PITPNC1: variants seen among roughly 807,000 people sequenced by gnomAD.
PITPNC1 encodes the protein cytoplasmic phosphatidylinositol transfer protein 1.
Under a neutral mutation model 44.7 loss-of-function variants are expected in PITPNC1, and 18 were observed. The ratio of observed to expected loss-of-function variants is 0.40; its 90% CI spans 0.28 to 0.60. The LOEUF is 0.60. Ranked by LOEUF, PITPNC1 falls within the 20% of genes least tolerant of loss-of-function variation. PITPNC1 has a pLI of 0.39. For synonymous variants in PITPNC1, 141 were observed against 149.6 expected, an observed-to-expected ratio of 0.94 and a Z score of 0.42; for missense variants, 290 against 418.4, an observed-to-expected ratio of 0.69 and a Z score of 2.68.
In PITPNC1 at chr17:67,587,330, A is replaced by T. The variant is rs941292867; in HGVS notation, c.366+9073A>T. Among the ~76,000 whole-genome samples, 4 of 152,080 alleles carry T rather than the reference A, an allele frequency of 2.6e-5. No individual in the cohort carries two copies. The East Asian group carries it at 7.7e-4, about 29-fold the overall frequency. ...GTTGAGACCCCCATCTCTACAAAAA[A>T]AAAAAAAAATTTAATTAGCTGGACA... On this transcript the variant is annotated intron_variant, in intron 5 of 8. Transcript: ENST00000581322.
At chr17:67,617,154 C>T (rs1363109824) in intron 5 of PITPNC1, among the ~76,000 whole-genome samples, 2 of 152,184 alleles carry the variant, frequency 1.3e-5, no homozygotes, top group Non-Finnish European at 2.9e-5. Context: ...GGAAGGCCAG[C>T]TTTTCTGGCT....
intron 8 of PITPNC1, among the ~76,000 whole-genome samples, chr17:67,686,857 T>C (rs761697696): frequency 6.6e-6 from 1 of 152,202 alleles, no homozygotes; most frequent in African/African-American, 2.4e-5. Flanking sequence ...CTCTTCTCTG[T>C]TCTAAGACTA....
intron 6 of PITPNC1, among the ~76,000 whole-genome samples, chr17:67,645,746 C>G (rs1273703420): frequency 6.6e-6 from 1 of 152,180 alleles, no homozygotes; most frequent in African/African-American, 2.4e-5. Flanking sequence ...TTAATTATAA[C>G]ATAAGTTTGT....
At chr17:67,400,084 A>G (rs2038284351) in intron 1 of PITPNC1, among the ~76,000 whole-genome samples, 1 of 152,222 alleles carries the variant, frequency 6.6e-6, no homozygotes, top group East Asian at 1.9e-4. Flanking sequence ...CCTGGTGATC[A>G]TGATGGGCTA....
chr17:67,458,909 C>T (rs954409923), intron 1 of PITPNC1, among the ~76,000 whole-genome samples: 3 of 151,992 alleles, frequency 2.0e-5, no homozygotes, highest in Non-Finnish European at 2.9e-5. Context: ...TAGTTTAGAA[C>T]GGCCTGGATC....
At chr17:67,429,914 C>T (rs1299145164) in intron 1 of PITPNC1, among the ~76,000 whole-genome samples, 2 of 152,080 alleles carry the variant, frequency 1.3e-5, no homozygotes, top group African/African-American at 2.4e-5. Flanking sequence ...GAAAACAGAC[C>T]GCACTTGCTT....
intron 1 of PITPNC1, among the ~76,000 whole-genome samples, chr17:67,444,290 G>C (rs1383681810): frequency 6.6e-6 from 1 of 152,110 alleles, no homozygotes; most frequent in East Asian, 1.9e-4. Flanking sequence ...AATAGGCCGA[G>C]ATCACGGGGA....
At chr17:67,384,705 A>G (rs1275635771) in intron 1 of PITPNC1, among the ~76,000 whole-genome samples, 3 of 152,174 alleles carry the variant, frequency 2.0e-5, no homozygotes, top group Non-Finnish European at 2.9e-5. Flanking sequence ...GATTACAGGC[A>G]TGAGCCACTG....
At chr17:67,667,490 C>CAAAAAAAA (rs71139168) in intron 6 of PITPNC1, among the ~76,000 whole-genome samples, 77 of 107,528 alleles carry the variant, frequency 7.2e-4, no homozygotes, top group Non-Finnish European at 8.3e-4. Flanking sequence ...GATCCTTTCT[C>CAAAAAAAA]AAAAAAAAAA....
chr17:67,618,950 T>C (rs756125931), intron 5 of PITPNC1, among the ~76,000 whole-genome samples: 4 of 151,752 alleles, frequency 2.6e-5, no homozygotes, highest in Non-Finnish European at 5.9e-5. Flanking sequence ...TCCCAGCTAC[T>C]CGGGAGGCTG....
At chr17:67,425,193 G>GCGCGCGCACACACA (rs1160522771) in intron 1 of PITPNC1, among the ~76,000 whole-genome samples, 3 of 52,118 alleles carry the variant, frequency 5.8e-5, no homozygotes, top group African/African-American at 2.0e-4. Context: ...TTGTGCGCGC[G>GCGCGCGCACACACA]CACGCACACG....
chr17:67,412,827 A>C (rs1754714117), intron 1 of PITPNC1, among the ~76,000 whole-genome samples: 1 of 152,192 alleles, frequency 6.6e-6, no homozygotes, highest in Non-Finnish European at 1.5e-5. Context: ...TGGCCTCCCA[A>C]AGTGTTGGGA....
chr17:67,598,881 G>A (rs1033473633), intron 5 of PITPNC1, among the ~76,000 whole-genome samples: 2 of 150,770 alleles, frequency 1.3e-5, no homozygotes, highest in Non-Finnish European at 3.0e-5. Flanking sequence ...TGACAAGAGT[G>A]AAACTCCATC....
chr17:67,386,032 G>T (rs1198592182), intron 1 of PITPNC1, among the ~76,000 whole-genome samples: 1 of 152,150 alleles, frequency 6.6e-6, no homozygotes, highest in Non-Finnish European at 1.5e-5. Flanking sequence ...TGATATGGAG[G>T]AAGTTCCTAA....
At chr17:67,473,701 T>G (rs36124834) in intron 1 of PITPNC1, among the ~76,000 whole-genome samples, 29 of 152,194 alleles carry the variant, frequency 1.9e-4, no homozygotes, top group African/African-American at 6.3e-4. Flanking sequence ...GCCTCAGCCT[T>G]CAGAGTAGCA....
At chr17:67,420,588 C>T (rs1567982860) in intron 1 of PITPNC1, among the ~76,000 whole-genome samples, 1 of 151,978 alleles carries the variant, frequency 6.6e-6, no homozygotes, top group Non-Finnish European at 1.5e-5. Flanking sequence ...TCCACCACCA[C>T]GCCTGGCTGA....
chr17:67,692,819 G>GA lies in PITPNC1; in HGVS notation c.936dup (p.Ala313SerfsTer13), dbSNP rs1475478171. Reference sequence around the variant, plus strand: ...AAACTCTCACACTTCCAGACCCTGAGAAAAAAGCCACCCTGAATTTACCCG... The same window carrying GA: ...AAACTCTCACACTTCCAGACCCTGAGAAAAAAAGCCACCCTGAATTTACCCG... On this transcript the variant is annotated frameshift_variant, in exon 9 of 9. Transcript: ENST00000581322. LOFTEE classifies it high-confidence loss of function. 1.9e-6 allele frequency: 3 copies of GA among 1,613,650 alleles called. No homozygotes were observed. The highest frequency in any genetic ancestry group is 2.5e-6 in the Non-Finnish European group (3 of 1,179,790).
intron 1 of PITPNC1, among the ~76,000 whole-genome samples, chr17:67,488,327 C>T (rs17654536): frequency 0.11 from 16,379 of 152,184 alleles, 1,173 homozygotes; most frequent in Middle Eastern, 0.2. Flanking sequence ...GCTGGCAGCC[C>T]GGTTGTTATA....
rs190236746 is a variant in PITPNC1, at chr17:67,483,818, C to T, written c.49-48984C>T. The stretch of plus-strand genomic sequence containing the variant: ...ATAGCTCTTAAATTTCAAAATACAG[C>T]TTCGTTTATGCCTGAAGAGGAGAAG... On this transcript the variant is annotated intron_variant, in intron 1 of 8. Transcript: ENST00000581322. 6.7e-4 allele frequency among the ~76,000 whole-genome samples: 102 copies of T among 152,188 alleles called. 1 individual carries two copies. Among genetic ancestry groups the T allele is most frequent in the African/African-American group, 2.3e-3 (96 of 41,504 alleles).
Sources: allele counts gnomAD v4.1 joint callset (sites outside exome capture counted in the v4.1 genomes callset), GRCh38; gene constraint gnomAD v4.1.1; transcripts MANE v1.5; gene names NCBI Gene and HGNC (gene_info 2026-07-23, HGNC 2026-07-21).